The following STPG2 variants were observed in gnomAD, a reference collection of about 807,000 sequenced individuals.
The protein encoded by STPG2 is sperm-tail PG-rich repeat-containing protein 2.
STPG2 carries 56 observed loss-of-function variants against 54.2 expected under a neutral mutation model. That is an observed-to-expected ratio of 1.03 (90% CI 0.83 to 1.29). The LOEUF is 1.29. Ranked by LOEUF, STPG2 falls within the 50% of genes most tolerant of loss-of-function variation. STPG2 has a pLI of 0.00. For missense variants in STPG2, 596 were observed against 544.9 expected, an observed-to-expected ratio of 1.09 and a Z score of -0.93; for synonymous variants, 200 against 181.8, an observed-to-expected ratio of 1.10 and a Z score of -0.81.
chr4:97,459,040 T>G (rs1312609732), intron 4 of STPG2, among the ~76,000 whole-genome samples: 2 of 152,124 alleles, frequency 1.3e-5, no homozygotes, highest in African/African-American at 4.8e-5. Context: ...TCTTCATTGT[T>G]AGGAGATACA....
At chr4:98,092,141 T>C (rs141631546) in intron 5 of STPG2, among the ~76,000 whole-genome samples, 302 of 152,176 alleles carry the variant, frequency 2.0e-3, no homozygotes, top group African/African-American at 7.1e-3. Context: ...TAACTAAATA[T>C]TTTCAATCTC....
At chr4:97,656,237 A>G (rs1328461604) in intron 10 of STPG2, among the ~76,000 whole-genome samples, 2 of 152,068 alleles carry the variant, frequency 1.3e-5, no homozygotes, top group Non-Finnish European at 2.9e-5. Flanking sequence ...TCATGACACA[A>G]CACAAACCAA....
intron 10 of STPG2, among the ~76,000 whole-genome samples, chr4:97,583,067 C>G (rs57703813): frequency 0.017 from 2,598 of 152,054 alleles, 67 homozygotes; most frequent in African/African-American, 0.058. Context: ...CTTGTTAAGT[C>G]TCATCATTTG....
intron 3 of STPG2, among the ~76,000 whole-genome samples, chr4:98,115,089 A>G (rs979035506): frequency 1.3e-5 from 2 of 152,010 alleles, no homozygotes; most frequent in African/African-American, 4.8e-5. Flanking sequence ...AGTAAATGCT[A>G]TATTATAATT....
intron 10 of STPG2, among the ~76,000 whole-genome samples, chr4:97,565,092 T>A (rs566382813): frequency 6.6e-6 from 1 of 152,312 alleles, no homozygotes. Flanking sequence ...AGATTTGGTC[T>A]TTTCACATAG....
Position 97,972,299 on chromosome 4 carries a change from G to C in STPG2, c.914C>G (p.Pro305Arg). The change falls in exon 7 of 11, where the codon CCT becomes CGT. Residue 305 changes from proline to arginine, a missense_variant. Pro to Arg is a moderately radical substitution (Grantham distance 103, BLOSUM62 -2). Transcript: ENST00000295268. ...FSVQKEACAT[P>R]GPADYQEFWH... The stretch of plus-strand genomic sequence containing the variant: ...TATTACCTGATAATCAGCAGGTCCA[G>C]GGGTAGCACAAGCTTCTTTCTGAAC... 1.2e-6 allele frequency: 2 copies of C among 1,600,044 alleles called. No individual in the cohort carries two copies.
intron 1 of STPG2, among the ~76,000 whole-genome samples, chr4:98,135,082 G>A (rs1446927000): frequency 1.3e-5 from 2 of 151,756 alleles, no homozygotes; most frequent in Non-Finnish European, 3.0e-5. Flanking sequence ...TTCAAGATCT[G>A]TATTGGAAAA....
At chr4:97,758,622 G>T (rs991521659) in intron 9 of STPG2, among the ~76,000 whole-genome samples, 1 of 152,030 alleles carries the variant, frequency 6.6e-6, no homozygotes, top group Non-Finnish European at 1.5e-5. Context: ...GGGCCTGTCA[G>T]GGGGGTGCGG....
intron 10 of STPG2, among the ~76,000 whole-genome samples, chr4:97,635,340 G>T (rs1405325861): frequency 5.9e-5 from 9 of 152,318 alleles, no homozygotes; most frequent in Non-Finnish European, 1.0e-4. Flanking sequence ...CCTGAAGGAA[G>T]CGCTAAACAT....
intron 3 of STPG2, among the ~76,000 whole-genome samples, chr4:98,120,446 T>G (rs1303574720): frequency 1.3e-5 from 2 of 152,276 alleles, no homozygotes; most frequent in East Asian, 3.9e-4. Flanking sequence ...GATTGCTGGG[T>G]CAAGTGGTAT....
At chr4:97,577,901 T>C (rs1732763206) in intron 10 of STPG2, among the ~76,000 whole-genome samples, 1 of 152,116 alleles carries the variant, frequency 6.6e-6, no homozygotes, top group African/African-American at 2.4e-5. Flanking sequence ...ATAATGATCA[T>C]GGATGTTCAA....
intron 5 of STPG2, among the ~76,000 whole-genome samples, chr4:98,050,932 G>C (rs957349481): frequency 1.5e-4 from 23 of 151,896 alleles, no homozygotes; most frequent in African/African-American, 5.3e-4. Context: ...ATGAACCTGG[G>C]AGGCGGAGCT....
At chr4:97,538,600 C>T (rs1470429316) in intron 4 of STPG2, among the ~76,000 whole-genome samples, 3 of 152,124 alleles carry the variant, frequency 2.0e-5, no homozygotes, top group East Asian at 3.9e-4. Context: ...AGAATGGAGC[C>T]AAGTTGGAAA....
chr4:97,726,640 A>T (rs900187705), intron 9 of STPG2, among the ~76,000 whole-genome samples: 2 of 151,972 alleles, frequency 1.3e-5, no homozygotes, highest in Admixed American at 6.6e-5. Context: ...TTGGTGCCAC[A>T]GAAAGAAAAT....
intron 5 of STPG2, among the ~76,000 whole-genome samples, chr4:97,999,001 T>C (rs7689495): frequency 0.41 from 61,698 of 151,864 alleles, 12,736 homozygotes; most frequent in African/African-American, 0.47. Flanking sequence ...TAATGCTCTT[T>C]CTATTTGTAT....
At chr4:98,024,842 C>T (rs1366614540) in intron 5 of STPG2, among the ~76,000 whole-genome samples, 1 of 152,128 alleles carries the variant, frequency 6.6e-6, no homozygotes, top group African/African-American at 2.4e-5. Context: ...TCAACAAACC[C>T]AATACTGTTT....
intron 9 of STPG2, among the ~76,000 whole-genome samples, chr4:97,794,794 AT>A (rs1727113739): frequency 6.6e-6 from 1 of 152,136 alleles, no homozygotes; most frequent in African/African-American, 2.4e-5. Context: ...TTTTCCAAAG[AT>A]TGGCTCTACA....
chr4:97,827,088 A>C (rs1397589248), intron 9 of STPG2, among the ~76,000 whole-genome samples: 1 of 152,226 alleles, frequency 6.6e-6, no homozygotes, highest in Admixed American at 6.5e-5. Context: ...GGCACAGCTG[A>C]AATGTTCCTG....
chr4:97,532,957 A>G (rs1296528960), intron 4 of STPG2, among the ~76,000 whole-genome samples: 2 of 152,146 alleles, frequency 1.3e-5, no homozygotes, highest in Non-Finnish European at 2.9e-5. Flanking sequence ...ATCCCAGCTC[A>G]CTGCAAGCTC....
Sources: gnomAD v4.1 joint callset for allele counts (sites outside exome capture counted in the v4.1 genomes callset) on GRCh38, gnomAD v4.1.1 for gene constraint, MANE v1.5 for transcripts, NCBI Gene and HGNC (gene_info 2026-07-23, HGNC 2026-07-21) for gene names.